Variants in SSBP2 observed in about 807,000 individuals in gnomAD.
The protein encoded by SSBP2 is single stranded DNA binding protein 2.
Under a neutral mutation model 61.8 loss-of-function variants are expected in SSBP2, and 17 were observed. The ratio of observed to expected loss-of-function variants is 0.28; its 90% CI spans 0.19 to 0.41. The LOEUF (loss-of-function observed/expected upper bound fraction) is 0.41. SSBP2 is among the 10% of genes least tolerant of loss of function. SSBP2 has a pLI of 1.00. For missense variants in SSBP2, 310 were observed against 458.7 expected (o/e 0.68, Z 2.96); for synonymous variants, 139 against 141.3 (o/e 0.98, Z 0.12).
chr5:81,697,088 G>A (rs1033004226), intron 1 of SSBP2, among the ~76,000 whole-genome samples: 8 of 152,172 alleles, frequency 5.3e-5, no homozygotes, highest in Non-Finnish European at 5.9e-5. Flanking sequence ...AGATGAGTGG[G>A]ATTTTCTTTT....
intron 4 of SSBP2, among the ~76,000 whole-genome samples, chr5:81,595,111 A>G (rs1337292341): frequency 1.3e-5 from 2 of 152,242 alleles, no homozygotes; most frequent in Non-Finnish European, 2.9e-5. Context: ...CTAATAAAGA[A>G]GAAGAGAGAA....
At chr5:81,712,661 G>A (rs1283284666) in intron 1 of SSBP2, among the ~76,000 whole-genome samples, 4 of 151,020 alleles carry the variant, frequency 2.6e-5, no homozygotes, top group African/African-American at 9.7e-5. Flanking sequence ...ATGGTAGGTT[G>A]AACTTACATT....
At chr5:81,599,372 A>G (rs191623818) in intron 4 of SSBP2, among the ~76,000 whole-genome samples, 1 of 152,350 alleles carries the variant, frequency 6.6e-6, no homozygotes, top group Non-Finnish European at 1.5e-5. Context: ...CAAAAGAAAC[A>G]AGCAATATTT....
intron 1 of SSBP2, among the ~76,000 whole-genome samples, chr5:81,726,808 C>G (rs1202202665): frequency 2.0e-4 from 31 of 152,094 alleles, no homozygotes. Context: ...TATTTATATC[C>G]CATTCATCCT....
intron 10 of SSBP2, among the ~76,000 whole-genome samples, chr5:81,460,105 G>C (rs1351507731): frequency 6.6e-6 from 1 of 152,202 alleles, no homozygotes; most frequent in Non-Finnish European, 1.5e-5. Context: ...ATGGATTTAG[G>C]ATGATTCTTC....
chr5:81,544,630 A>T (rs1771587331), intron 4 of SSBP2, among the ~76,000 whole-genome samples: 1 of 152,214 alleles, frequency 6.6e-6, no homozygotes, highest in Non-Finnish European at 1.5e-5. Flanking sequence ...GGAGAACAAA[A>T]CTAAGAGTAA....
chr5:81,502,092 T>C (rs1767837171), intron 5 of SSBP2, among the ~76,000 whole-genome samples: 1 of 152,150 alleles, frequency 6.6e-6, no homozygotes. Flanking sequence ...CTCCTTGAGT[T>C]GGCCATACTC....
At chr5:81,465,700 T>C (rs1008597330) in intron 9 of SSBP2, among the ~76,000 whole-genome samples, 1 of 152,090 alleles carries the variant, frequency 6.6e-6, no homozygotes, top group African/African-American at 2.4e-5. Context: ...GTATGTTTTA[T>C]ATACATCTCC....
chr5:81,435,691 C>T (rs777046807), intron 15 of SSBP2, among the ~76,000 whole-genome samples: 1 of 152,104 alleles, frequency 6.6e-6, no homozygotes, highest in African/African-American at 2.4e-5. Context: ...CTTTCCCATA[C>T]AGAATTTTGT....
chr5:81,588,916 T>C (rs1201838840), intron 4 of SSBP2, among the ~76,000 whole-genome samples: 1 of 152,038 alleles, frequency 6.6e-6, no homozygotes, highest in Non-Finnish European at 1.5e-5. Flanking sequence ...ATACAAAAAT[T>C]AGCTGAGCAT....
chr5:81,626,596 A>G (rs1367959416), intron 3 of SSBP2, among the ~76,000 whole-genome samples: 2 of 152,196 alleles, frequency 1.3e-5, no homozygotes, highest in Non-Finnish European at 2.9e-5. Context: ...AGTGGGATGG[A>G]TATCTGTACC....
intron 5 of SSBP2, among the ~76,000 whole-genome samples, chr5:81,506,033 C>T (rs1768156950): frequency 6.6e-6 from 1 of 152,100 alleles, no homozygotes; most frequent in Non-Finnish European, 1.5e-5. Context: ...AAAAAGCTTA[C>T]TTAGTTATTC....
At chr5:81,526,741 T>C (rs181663879) in intron 4 of SSBP2, among the ~76,000 whole-genome samples, 3 of 152,036 alleles carry the variant, frequency 2.0e-5, no homozygotes, top group African/African-American at 7.2e-5. Flanking sequence ...AGATGTGACA[T>C]TGTGCTCAGC....
intron 3 of SSBP2, among the ~76,000 whole-genome samples, chr5:81,631,578 A>G (rs1360613062): frequency 6.6e-6 from 1 of 152,024 alleles, no homozygotes; most frequent in African/African-American, 2.4e-5. Flanking sequence ...TGGCATCACA[A>G]TGCATTCATA....
chr5:81,679,818 C>T (rs1240125853), intron 1 of SSBP2, among the ~76,000 whole-genome samples: 1 of 152,084 alleles, frequency 6.6e-6, no homozygotes, highest in Non-Finnish European at 1.5e-5. Flanking sequence ...AAACATCATA[C>T]ATTTCTGGTT....
chr5:81,710,034 A>G (rs1262195763), intron 1 of SSBP2, among the ~76,000 whole-genome samples: 1 of 152,062 alleles, frequency 6.6e-6, no homozygotes, highest in Non-Finnish European at 1.5e-5. Context: ...CTCTTGCCAC[A>G]GTATCCTCAA....
intron 4 of SSBP2, among the ~76,000 whole-genome samples, chr5:81,611,511 A>T (rs1272342731): frequency 1.3e-5 from 2 of 152,190 alleles, no homozygotes; most frequent in African/African-American, 2.4e-5. Flanking sequence ...TATAAATTTT[A>T]TGAATTTTAC....
At chr5:81,614,296 C>T (rs888413431) in intron 4 of SSBP2, among the ~76,000 whole-genome samples, 6 of 139,574 alleles carry the variant, frequency 4.3e-5, no homozygotes, top group Admixed American at 1.6e-4. Context: ...GGAGGCGGAG[C>T]TTGCAGTGAG....
intron 4 of SSBP2, among the ~76,000 whole-genome samples, chr5:81,586,053 T>C (rs1366571085): frequency 6.6e-6 from 1 of 152,242 alleles, no homozygotes; most frequent in Non-Finnish European, 1.5e-5. Flanking sequence ...TACTGACGGA[T>C]ACGTAGGTTG....
Sources: allele counts gnomAD v4.1 joint callset (sites outside exome capture counted in the v4.1 genomes callset), GRCh38; gene constraint gnomAD v4.1.1; transcripts MANE v1.5; gene names NCBI Gene and HGNC (gene_info 2026-07-23, HGNC 2026-07-21).